UST: variants seen among roughly 807,000 people sequenced by gnomAD.
UST encodes uronyl 2-sulfotransferase, also known as chondroitin sulfate 2-O-sulfotransferase.
In UST, 21 loss-of-function variants were observed where a neutral mutation model predicts 45.6. The observed-to-expected ratio is 0.46, with a 90% CI of 0.33 to 0.66. UST has a LOEUF of 0.66. Among genes scored for constraint, UST ranks in the 30% least tolerant of loss-of-function variants. The probability of loss-of-function intolerance (pLI) is 0.02; values close to 1 mark genes in which losing one functional copy is unlikely to be tolerated. For missense variants in UST, 463 were observed against 512.4 expected (o/e 0.90, Z 0.93); for synonymous variants, 215 against 200.6 (o/e 1.07, Z -0.61).
chr6:148,778,354 G>A (rs1183865305), intron 1 of UST, among the ~76,000 whole-genome samples: 2 of 152,242 alleles, frequency 1.3e-5, no homozygotes, highest in East Asian at 3.9e-4. Flanking sequence ...GCCTATTAGA[G>A]ATTTTTTTCT....
At chr6:148,840,980 C>T (rs1447782937) in intron 1 of UST, among the ~76,000 whole-genome samples, 1 of 149,316 alleles carries the variant, frequency 6.7e-6, no homozygotes, top group Non-Finnish European at 1.5e-5. Flanking sequence ...TTAATGAAAA[C>T]TTTTCTTTGT....
chr6:148,894,986 T>G (rs1165685682), intron 2 of UST, among the ~76,000 whole-genome samples: 1 of 151,896 alleles, frequency 6.6e-6, no homozygotes, highest in South Asian at 2.1e-4. Context: ...CCTGGCTAAT[T>G]TTTGTATTTT....
intron 1 of UST, among the ~76,000 whole-genome samples, chr6:148,826,101 T>A (rs1316578257): frequency 6.6e-6 from 1 of 152,126 alleles, no homozygotes. Flanking sequence ...ATGAGTTCTG[T>A]CTAAGAGCAT....
chr6:148,999,222 G>C (rs1037238425), intron 5 of UST, among the ~76,000 whole-genome samples: 1 of 152,086 alleles, frequency 6.6e-6, no homozygotes. Context: ...TTATGATGTT[G>C]TTTATTGAAA....
chr6:149,002,265 G>GA (rs1781564863), intron 5 of UST, among the ~76,000 whole-genome samples: 2 of 151,610 alleles, frequency 1.3e-5, no homozygotes, highest in South Asian at 4.2e-4. Flanking sequence ...GACATGAAAA[G>GA]AAAAAAGATG....
chr6:148,971,433 T>C (rs926259750), intron 5 of UST, among the ~76,000 whole-genome samples: 1 of 152,074 alleles, frequency 6.6e-6, no homozygotes, highest in Non-Finnish European at 1.5e-5. Context: ...ACCATACAGA[T>C]GTATGTGAAA....
At chr6:148,890,829 TTGTA>T (rs1361853482) in intron 2 of UST, among the ~76,000 whole-genome samples, 1 of 152,178 alleles carries the variant, frequency 6.6e-6, no homozygotes, top group African/African-American at 2.4e-5. Context: ...TACCACTACT[TTGTA>T]TGTACACAGA....
chr6:148,971,581 G>A (rs1780920572), intron 5 of UST, among the ~76,000 whole-genome samples: 1 of 152,186 alleles, frequency 6.6e-6, no homozygotes, highest in African/African-American at 2.4e-5. Flanking sequence ...TATCTGAAGG[G>A]AAAGAGGAGA....
chr6:148,896,469 C>T lies in UST; in HGVS notation c.291+9440C>T, dbSNP rs775317164. 5.3e-4 allele frequency among the ~76,000 whole-genome samples: 81 copies of T among 152,168 alleles called. 1 individual carries two copies. Among genetic ancestry groups the T allele is most frequent in the Non-Finnish European group, 1.5e-4 (10 of 68,030 alleles). ...TGCTAAGAGGGTGCCCCTGGTTCCA[C>T]GCTCCTATTCATTGTTCTGTAAAGA... On this transcript the variant is annotated intron_variant, in intron 2 of 7. Transcript: ENST00000367463.
At position 148,995,516 on chromosome 6, in the gene UST, T is replaced by C. The variant is rs1311254161; in HGVS notation, c.682-23623T>C. 2.0e-5 allele frequency among the ~76,000 whole-genome samples: 3 copies of C among 152,364 alleles called. No homozygotes were observed. The East Asian group carries it at 5.8e-4, about 29-fold the overall frequency. ...CGCATTACAAACTCTACTTGTTCCT[T>C]ATCTACTAGCATTATTCTTGCCAGA... On this transcript the variant is annotated intron_variant, in intron 5 of 7. Transcript: ENST00000367463.
intron 5 of UST, among the ~76,000 whole-genome samples, chr6:149,015,954 A>G (rs564784282): frequency 1.1e-3 from 170 of 152,308 alleles, no homozygotes; most frequent in Admixed American, 3.5e-3. Flanking sequence ...TGCCAGGAGC[A>G]GTTTCCTGCA....
intron 2 of UST, among the ~76,000 whole-genome samples, chr6:148,909,282 G>A (rs554385461): frequency 6.6e-5 from 10 of 152,270 alleles, no homozygotes; most frequent in South Asian, 6.2e-4. Context: ...GCTAAAGGAT[G>A]TAATAGGTAG....
At position 148,934,136 on chromosome 6, in the gene UST, G is replaced by C. The variant is rs960351928; in HGVS notation, c.292-7143G>C. 6.6e-6 allele frequency among the ~76,000 whole-genome samples: 1 copy of C among 152,136 alleles called. No homozygotes were observed. The highest frequency in any genetic ancestry group is 2.4e-5 in the African/African-American group (1 of 41,412). ...TAACCTAACTTTCCCCTTTTTATAA[G>C]TGAGGAAACTGGGGCTCAAGGGTGT... On this transcript the variant is annotated intron_variant, in intron 2 of 7. Transcript: ENST00000367463. This position sits in a 1 kb window ranked among gnomAD's most constrained non-coding sequence, Gnocchi z 4.1.
At chr6:148,798,695 G>A (rs372891859) in intron 1 of UST, among the ~76,000 whole-genome samples, 1 of 152,086 alleles carries the variant, frequency 6.6e-6, no homozygotes, top group Admixed American at 6.5e-5. Context: ...GGAGAGCTTC[G>A]AGAAGGGATG....
intron 1 of UST, among the ~76,000 whole-genome samples, chr6:148,788,315 C>T (rs745592843): frequency 2.6e-5 from 4 of 151,930 alleles, no homozygotes; most frequent in Admixed American, 6.6e-5. Context: ...GAGGACACAG[C>T]CAAACCATAT....
intron 5 of UST, among the ~76,000 whole-genome samples, chr6:149,011,568 G>T (rs1350853069): frequency 6.6e-6 from 1 of 152,078 alleles, no homozygotes; most frequent in East Asian, 1.9e-4. Flanking sequence ...TCTATTTTTG[G>T]GGGAGGCCAA....
At chr6:148,853,831 T>A (rs73003158) in intron 1 of UST, among the ~76,000 whole-genome samples, 1,595 of 152,290 alleles carry the variant, frequency 0.01, 19 homozygotes, top group Admixed American at 0.021. Flanking sequence ...TTAAAGCCAT[T>A]TGTTCTTCAA....
chr6:148,805,941 T>C (rs1352299188), intron 1 of UST, among the ~76,000 whole-genome samples: 1 of 152,204 alleles, frequency 6.6e-6, no homozygotes, highest in African/African-American at 2.4e-5. Context: ...TAAGCAACTG[T>C]CGGTCTTTTT....
intron 1 of UST, among the ~76,000 whole-genome samples, chr6:148,850,586 T>TA (rs1324019815): frequency 6.6e-6 from 1 of 152,280 alleles, no homozygotes; most frequent in African/African-American, 2.4e-5. Context: ...AAGGGCAACA[T>TA]AAAATGCTTC....
Sources: allele counts gnomAD v4.1 joint callset (sites outside exome capture counted in the v4.1 genomes callset), GRCh38; gene constraint gnomAD v4.1.1; non-coding constraint Gnocchi (gnomAD v3.1); transcripts MANE v1.5; gene names NCBI Gene and HGNC (gene_info 2026-07-23, HGNC 2026-07-21).